Variants in LRBA observed in about 807,000 individuals in gnomAD.
The protein encoded by LRBA is LPS responsive beige-like anchor protein, also known as lipopolysaccharide-responsive and beige-like anchor protein.
LRBA carries 176 observed loss-of-function variants against 330.0 expected under a neutral mutation model. That is an observed-to-expected ratio of 0.53 (90% CI 0.47 to 0.60). LRBA has a LOEUF of 0.60. LRBA is among the 20% of genes least tolerant of loss of function. LRBA has a pLI of 0.00. For missense variants in LRBA, 3,259 were observed against 3,444.8 expected, an observed-to-expected ratio of 0.95 and a Z score of 1.35; for synonymous variants, 1,230 against 1,193.0, an observed-to-expected ratio of 1.03 and a Z score of -0.64.
chr4:150,294,341 C>G lies in LRBA; in HGVS notation c.8017+8284G>C, dbSNP rs527462035. Among the ~76,000 whole-genome samples the G allele has an allele frequency of 1.3e-3, 201 of 152,280 alleles. 1 individual carries two copies. Among genetic ancestry groups the G allele is most frequent in the Admixed American group, 2.6e-3 (40 of 15,292 alleles). On this transcript the variant is annotated intron_variant, in intron 53 of 56. Transcript: ENST00000651943. ...TAGGATTGCATCAACTTCTCTATAG[C>G]TGATATTCTAATTAAATGTATAGTT...
intron 2 of LRBA, among the ~76,000 whole-genome samples, chr4:150,931,927 G>T (rs1360312292): frequency 6.6e-6 from 1 of 152,042 alleles, no homozygotes; most frequent in Non-Finnish European, 1.5e-5. Context: ...GCACTAAATG[G>T]GTTAGGCGTG....
rs70941451 is a variant in LRBA, at chr4:150,809,850, A to AATACGATACGATACG, written c.5306-1467_5306-1453dup. 1.2e-3 allele frequency among the ~76,000 whole-genome samples: 107 copies of AATACGATACGATACG among 87,818 alleles called. 6 individuals are homozygous for AATACGATACGATACG. The highest frequency in any genetic ancestry group is 2.6e-3 in the East Asian group (7 of 2,642). The allele number at this position is 87,818 out of a possible 152,430, so 57.6% of individuals were successfully genotyped here. A position where few individuals can be genotyped will look rare whatever the true frequency, so the allele number is the denominator to read the frequency against. On this transcript the variant is annotated intron_variant, in intron 31 of 56. Coordinates refer to ENST00000651943, the MANE Select transcript of LRBA (RefSeq NM_001364905.1). ...GTGACAAAGCAAGACCCTGTCTTAA[A>AATACGATACGATACG]ATACGATACGATACGATACGATACG...
At chr4:150,473,081 C>T (rs1485977534) in intron 42 of LRBA, among the ~76,000 whole-genome samples, 1 of 152,006 alleles carries the variant, frequency 6.6e-6, no homozygotes, top group Admixed American at 6.6e-5. Flanking sequence ...GTGGCTATAC[C>T]ACTATATGTT....
chr4:150,801,561 T>C (rs895592798), intron 33 of LRBA, among the ~76,000 whole-genome samples: 1 of 152,232 alleles, frequency 6.6e-6, no homozygotes, highest in Admixed American at 6.5e-5. Flanking sequence ...CTAGTCATCA[T>C]TGTATGCACA....
At chr4:150,344,101 CCCT>C (rs781239846) in intron 48 of LRBA, among the ~76,000 whole-genome samples, 1 of 152,138 alleles carries the variant, frequency 6.6e-6, no homozygotes, top group Non-Finnish European at 1.5e-5. Context: ...TGACATGCTT[CCCT>C]CCTTTTGGAT....
At chr4:150,608,718 C>A (rs1018250220) in intron 37 of LRBA, among the ~76,000 whole-genome samples, 1 of 152,056 alleles carries the variant, frequency 6.6e-6, no homozygotes, top group Non-Finnish European at 1.5e-5. Flanking sequence ...TTTTTATCAC[C>A]CCAAAATGAA....
At chr4:150,467,962 C>T (rs1660028533) in intron 43 of LRBA, among the ~76,000 whole-genome samples, 177 bp from the exon 44 acceptor site, 1 of 151,976 alleles carries the variant, frequency 6.6e-6, no homozygotes, top group South Asian at 2.1e-4. Context: ...GTATCATCTC[C>T]ATTTCACAGA....
Position 150,980,130 on chromosome 4 carries a change from C to G in LRBA, c.216+34297G>C, listed in dbSNP as rs576250507. Among the ~76,000 whole-genome samples, 20 of 152,096 alleles carry G rather than the reference C, an allele frequency of 1.3e-4. No homozygotes were observed. The South Asian group carries it at 4.2e-3, about 32-fold the overall frequency. Reference sequence around the variant, plus strand: ...ACATGAAAAAGATCATTTATCATGACCAAGTGAGATTTATCCCAGGGATGC... The same window carrying G: ...ACATGAAAAAGATCATTTATCATGAGCAAGTGAGATTTATCCCAGGGATGC... On this transcript the variant is annotated intron_variant, in intron 2 of 56. Transcript: ENST00000651943.
chr4:150,833,246 AT>A (rs944691184), intron 28 of LRBA, among the ~76,000 whole-genome samples: 2 of 151,870 alleles, frequency 1.3e-5, no homozygotes, highest in African/African-American at 4.9e-5. Context: ...ATCTTGTCAA[AT>A]TCCCCATCTT....
At chr4:150,357,127 C>T (rs1737951681) in intron 47 of LRBA, among the ~76,000 whole-genome samples, 1 of 151,952 alleles carries the variant, frequency 6.6e-6, no homozygotes, top group Non-Finnish European at 1.5e-5. Flanking sequence ...CTAAACTGCC[C>T]TTGAACTGTT....
chr4:150,806,547 A>G (rs1470666727), intron 32 of LRBA, 143 bp from the exon 33 acceptor site: 1 of 379,290 alleles, frequency 2.6e-6, no homozygotes, highest in Non-Finnish European at 4.4e-6. Context: ...ACTGCTATGC[A>G]TAGCAGTCCT....
chr4:150,719,239 T>C (rs1728618068), intron 36 of LRBA, among the ~76,000 whole-genome samples: 1 of 152,036 alleles, frequency 6.6e-6, no homozygotes, highest in Non-Finnish European at 1.5e-5. Context: ...CTCTCATTCA[T>C]ACACCAATTC....
At chr4:150,879,540 C>T (rs1197027841) in intron 17 of LRBA, among the ~76,000 whole-genome samples, 1 of 152,072 alleles carries the variant, frequency 6.6e-6, no homozygotes, top group Non-Finnish European at 1.5e-5. Context: ...GAAAAGGGAA[C>T]AAAAGGCATC....
intron 35 of LRBA, among the ~76,000 whole-genome samples, chr4:150,739,576 C>T (rs563746109): frequency 1.3e-5 from 2 of 152,290 alleles, no homozygotes; most frequent in East Asian, 1.9e-4. Flanking sequence ...GGAGATGGGG[C>T]TTGCCTCGAA....
intron 35 of LRBA, among the ~76,000 whole-genome samples, chr4:150,756,842 T>C (rs1734377887): frequency 1.3e-5 from 2 of 152,140 alleles, no homozygotes; most frequent in Non-Finnish European, 2.9e-5. Flanking sequence ...TTTAAGTTCT[T>C]TAAAACTATT....
At chr4:150,604,086 T>A (rs1581792072) in intron 37 of LRBA, among the ~76,000 whole-genome samples, 1 of 152,210 alleles carries the variant, frequency 6.6e-6, no homozygotes, top group East Asian at 1.9e-4. Context: ...ACTATACAAA[T>A]TTGACTATTA....
chr4:150,270,728 G>A (rs1213239406), intron 56 of LRBA, among the ~76,000 whole-genome samples: 2 of 152,090 alleles, frequency 1.3e-5, no homozygotes, highest in Admixed American at 1.3e-4. Flanking sequence ...ACGTTAAGAG[G>A]AAATAAGGTG....
intron 48 of LRBA, among the ~76,000 whole-genome samples, chr4:150,345,769 G>C (rs1032365673): frequency 1.5e-4 from 23 of 152,054 alleles, no homozygotes; most frequent in Admixed American, 6.6e-5. Flanking sequence ...TTTAGCACTG[G>C]TAAATGGTAT....
intron 53 of LRBA, among the ~76,000 whole-genome samples, chr4:150,286,708 AGAG>A (rs1156254644): frequency 6.6e-6 from 1 of 152,216 alleles, no homozygotes; most frequent in Non-Finnish European, 1.5e-5. Context: ...AAGGGGGGAC[AGAG>A]GAGGAGTATC....
Sources: allele counts gnomAD v4.1 joint callset (sites outside exome capture counted in the v4.1 genomes callset), GRCh38; gene constraint gnomAD v4.1.1; transcripts MANE v1.5; gene names NCBI Gene and HGNC (gene_info 2026-07-23, HGNC 2026-07-21).